The following TRIM45 variants were observed in gnomAD, a reference collection of about 807,000 sequenced individuals.
The protein encoded by TRIM45 is tripartite motif containing 45, also known as E3 ubiquitin-protein ligase TRIM45.
Under a neutral mutation model 46.7 loss-of-function variants are expected in TRIM45, and 45 were observed. The ratio of observed to expected loss-of-function variants is 0.96; its 90% CI spans 0.76 to 1.24. The LOEUF (loss-of-function observed/expected upper bound fraction) is 1.24. Ranked by LOEUF, TRIM45 falls within the 50% of genes most tolerant of loss-of-function variation. TRIM45 has a pLI of 0.00. For synonymous variants in TRIM45, 259 were observed against 285.8 expected (o/e 0.91, Z 0.94); for missense variants, 680 against 728.4 (o/e 0.93, Z 0.77).
At position 117,112,440 on chromosome 1, in the gene TRIM45, G is replaced by C; in HGVS notation, c.1608C>G (p.Gly536=). 8 of 1,612,750 alleles carry C rather than the reference G, an allele frequency of 5.0e-6. No individual in the cohort carries two copies. Among genetic ancestry groups the C allele is most frequent in the Non-Finnish European group, 6.8e-6 (8 of 1,179,486 alleles). Residue 536 remains glycine, a synonymous_variant, in exon 6 of 6, where the codon GGC becomes GGG. Coordinates refer to ENST00000256649, the MANE Select transcript of TRIM45 (RefSeq NM_025188.4). ...GGTGGCCTTTGTGTCCATGGCCACA[G>C]CCTAGGTACCCACCTACATGGGACA... ...CGGTMPGGYL[G]CGHGHKGHPG...
At position 117,113,636 on chromosome 1, in the gene TRIM45, C is replaced by T. The variant is rs1042068061; in HGVS notation, c.1468-151G>A. ...AAAGAAACAGATTAGAGGACAAGAA[C>T]CCTGCTCAGCTGAGAGGAGGCAGAC... On this transcript the variant is annotated intron_variant, in intron 4 of 5. Transcript: ENST00000256649. The surrounding 1 kb of genome is among the most constrained non-coding windows in gnomAD (Gnocchi z 4.0). 5 of 1,067,548 alleles carry T rather than the reference C, an allele frequency of 4.7e-6. No homozygotes were observed. Among genetic ancestry groups the T allele is most frequent in the African/African-American group, 1.6e-5 (1 of 62,144 alleles). 66.1% of individuals were successfully genotyped at this position (1,067,548 alleles called of 1,614,324 possible). A position where few individuals can be genotyped will look rare whatever the true frequency, so the allele number is the denominator to read the frequency against.
rs74899279 is a variant in TRIM45, at chr1:117,112,341, G to A, written c.1707C>T (p.Ser569=). Reference sequence around the variant, plus strand: ...CAGTCCTAAGTAGACTCCTCGGTGCGCTCTGCCCACCTGTCCATGTGCATT... The same window carrying A: ...CAGTCCTAAGTAGACTCCTCGGTGCACTCTGCCCACCTGTCCATGTGCATT... ...KSECTWTGGQ[S]APRSLLRTVA... is the part of the protein sequence containing the mutation. Residue 569 remains serine (S), a synonymous_variant, in exon 6 of 6, where the codon AGC becomes AGT. Transcript: ENST00000256649. 5.7e-4 allele frequency: 924 copies of A among 1,613,162 alleles called. 2 individuals carry two copies. In the African/African-American group the frequency reaches 0.011, roughly 19 times the overall value.
rs1204732625 is a variant in TRIM45 at position 117,117,565 on chromosome 1, G to C, written c.1222+469C>G. ...ACCTACCATATCCTTTTAAATGCCA[G>C]TAAAGTTGATGTGAACCAAAAAGGG... is the stretch of plus-strand genomic sequence containing the variant. On this transcript the variant is annotated intron_variant, in intron 2 of 5. Transcript: ENST00000256649. The surrounding 1 kb of genome is among the most constrained non-coding windows in gnomAD (Gnocchi z 4.9). Among the ~76,000 whole-genome samples, 1 of 152,142 alleles carries C rather than the reference G, an allele frequency of 6.6e-6. No individual in the cohort carries two copies. Among genetic ancestry groups the C allele is most frequent in the Non-Finnish European group, 1.5e-5 (1 of 68,030 alleles).
In TRIM45 at chr1:117,120,997, A is replaced by G; in HGVS notation, c.205T>C (p.Ser69Pro). 1.9e-6 allele frequency: 3 copies of G among 1,614,104 alleles called. No individual in the cohort carries two copies. The South Asian group carries it at 3.3e-5, about 18-fold the overall frequency. ...ATTGACCCCTCAGAGCTTGTGTCAGAGTCTCCCCCTCGGATGTCCACTACT... is the reference window on the plus strand; with the variant it reads ...ATTGACCCCTCAGAGCTTGTGTCAGGGTCTCCCCCTCGGATGTCCACTACT... Reference protein sequence around the residue: ...FSVVDIRGGDSDTSSEGSIFQ... With the variant: ...FSVVDIRGGDPDTSSEGSIFQ... Residue 69 changes from serine (S) to proline (P), a missense_variant, in exon 1 of 6, where the codon TCT becomes CCT. By Grantham distance (74) the Ser-to-Pro change is moderately conservative. Around this residue, in one of 3 missense-constraint regions of TRIM45, gnomAD observed 349 missense variants for 343.6 expected, o/e 1.02. Transcript: ENST00000256649.
In TRIM45 at chr1:117,120,564, G is replaced by C. The variant is rs146171181; in HGVS notation, c.488+150C>G. The stretch of plus-strand genomic sequence containing the variant: ...GCTAACCGGGTTAACTGTTGTACTG[G>C]AGTATTTGCTATTGCATTGTTATAT... On this transcript the variant is annotated intron_variant, in intron 1 of 5. Transcript: ENST00000256649. The C allele has an allele frequency of 2.2e-4, 241 of 1,082,592 alleles. No homozygotes were observed. The East Asian group carries it at 5.8e-3, about 26-fold the overall frequency. The allele number at this position is 1,082,592 out of a possible 1,614,324, so 67.1% of individuals were successfully genotyped here. A position where few individuals can be genotyped will look rare whatever the true frequency, so the allele number is the denominator to read the frequency against.
rs1014706014 is a variant in TRIM45, at chr1:117,115,768, T to G, written c.1353-79A>C. The G allele has an allele frequency of 2.3e-5, 21 of 907,872 alleles. No individual in the cohort carries two copies. The highest frequency in any genetic ancestry group is 3.3e-5 in the Non-Finnish European group (18 of 549,376). The allele number at this position is 907,872 out of a possible 1,614,324, so 56.2% of individuals were successfully genotyped here. A position where few individuals can be genotyped will look rare whatever the true frequency, so the allele number is the denominator to read the frequency against. On this transcript the variant is annotated intron_variant, in intron 3 of 5. Coordinates refer to ENST00000256649, the MANE Select transcript of TRIM45 (RefSeq NM_025188.4). This position sits in a 1 kb window ranked among gnomAD's most constrained non-coding sequence, Gnocchi z 4.2. Reference sequence around the variant, plus strand: ...TGCTACTATTTCAGAATGTAAACTCTACACCATCCCATTCAGTATTAATGT... The same window carrying G: ...TGCTACTATTTCAGAATGTAAACTCGACACCATCCCATTCAGTATTAATGT...
chr1:117,119,133 G>C (rs976982394), intron 1 of TRIM45, among the ~76,000 whole-genome samples: 1 of 152,216 alleles, frequency 6.6e-6, no homozygotes. Context: ...CAGAAAACCA[G>C]CATCAAGAAA....
Position 117,116,527 on chromosome 1 carries a change from C to T in TRIM45, c.1352+89G>A. 5.9e-6 allele frequency: 9 copies of T among 1,535,302 alleles called. No homozygotes were observed. The highest frequency in any genetic ancestry group is 7.9e-6 in the Non-Finnish European group (9 of 1,132,264). ...GTGCTGGGATTACAGGCATGAGCCA[C>T]TGTGCCCAGCTCCAATATCTTAAAG... On this transcript the variant is annotated intron_variant, in intron 3 of 5. Coordinates refer to ENST00000256649, the MANE Select transcript of TRIM45 (RefSeq NM_025188.4). The surrounding 1 kb of genome is among the most constrained non-coding windows in gnomAD (Gnocchi z 4.6).
chr1:117,118,127 G>A lies in TRIM45; in HGVS notation c.1129C>T (p.Gln377Ter). 2 of 1,614,194 alleles carry A rather than the reference G, an allele frequency of 1.2e-6. No individual in the cohort carries two copies. The highest frequency in any genetic ancestry group is 1.7e-6 in the Non-Finnish European group (2 of 1,180,034). The change falls in exon 2 of 6, where the codon CAG becomes TAG. Residue 377 changes from glutamine (Q) to a stop codon, truncating the protein, a stop_gained. Transcript: ENST00000256649. LOFTEE classifies it high-confidence loss of function. This position sits in a 1 kb window ranked among gnomAD's most constrained non-coding sequence, Gnocchi z 5.7. Reference protein sequence around the residue: ...GVNDKIRFCPQEKAGQCRGYE... With the variant: ...GVNDKIRFCP ...CCACGGCACTGGCCTGCTTTCTCCT[G>A]AGGACAGAAGCGTATCTTATCATTT...
chr1:117,113,347 C>G lies in TRIM45; in HGVS notation c.1594+12G>C, dbSNP rs933289081. The G allele has an allele frequency of 6.2e-7, 1 of 1,611,712 alleles. No individual in the cohort carries two copies. Among genetic ancestry groups the G allele is most frequent in the African/African-American group, 1.3e-5 (1 of 75,000 alleles). On this transcript the variant is annotated intron_variant, in intron 5 of 5. Coordinates refer to ENST00000256649, the MANE Select transcript of TRIM45 (RefSeq NM_025188.4). The surrounding 1 kb of genome is among the most constrained non-coding windows in gnomAD (Gnocchi z 4.0). ...TGGCAGAAAGGCCCAGAGGGTAGTG[C>G]TTTCTCCTTACCTGGCATGGTGCCT... is the stretch of plus-strand genomic sequence containing the variant.
In TRIM45 at chr1:117,120,799, A is replaced by G. The variant is rs1357842703; in HGVS notation, c.403T>C (p.Cys135Arg). 1 of 1,614,030 alleles carries G rather than the reference A, an allele frequency of 6.2e-7. No individual in the cohort carries two copies. Among genetic ancestry groups the G allele is most frequent in the Non-Finnish European group, 8.5e-7 (1 of 1,180,038 alleles). The change falls in exon 1 of 6, where the codon TGT becomes CGT. Residue 135 changes from cysteine (C) to arginine (R), a missense_variant. Coordinates refer to ENST00000256649, the MANE Select transcript of TRIM45 (RefSeq NM_025188.4). ...ACTTCCCTGTCGTTGCACAGGTCACACACCAGGCCCTGGCCTTCCCCACGT... is the reference window on the plus strand; with the variant it reads ...ACTTCCCTGTCGTTGCACAGGTCACGCACCAGGCCCTGGCCTTCCCCACGT... ...SLRGEGQGLV[C>R]DLCNDREVEK... is the part of the protein sequence containing the mutation.
In TRIM45 at chr1:117,118,105, C is replaced by T. The variant is rs200815611; in HGVS notation, c.1151G>A (p.Arg384His). The change falls in exon 2 of 6, where the codon CGT becomes CAT. Residue 384 changes from arginine to histidine, a missense_variant. Transcript: ENST00000256649. This position sits in a 1 kb window ranked among gnomAD's most constrained non-coding sequence, Gnocchi z 5.7. ...AATCGTACCATAAATTTCATAGCCACGGCACTGGCCTGCTTTCTCCTGAGG... is the reference window on the plus strand; with the variant it reads ...AATCGTACCATAAATTTCATAGCCATGGCACTGGCCTGCTTTCTCCTGAGG... Reference protein sequence around the residue: ...FCPQEKAGQCRGYEIYGTINT... With the variant: ...FCPQEKAGQCHGYEIYGTINT... The T allele has an allele frequency of 2.6e-5, 42 of 1,614,216 alleles. No individual in the cohort carries two copies. In the African/African-American group the frequency reaches 3.5e-4, roughly 13 times the overall value.
Position 117,121,449 on chromosome 1 carries a change from T to C in TRIM45, c.-248A>G. On this transcript the variant is annotated 5_prime_UTR_variant, in exon 1 of 6. Transcript: ENST00000256649. This position sits in a 1 kb window ranked among gnomAD's most constrained non-coding sequence, Gnocchi z 4.2. The stretch of plus-strand genomic sequence containing the variant: ...CACCAGACACGCCCACGCCCTCCTC[T>C]GCCCCGCAAGTCCTCCCCGGATGCG... 1.9e-6 allele frequency: 1 copy of C among 527,372 alleles called. No individual in the cohort carries two copies. Among genetic ancestry groups the C allele is most frequent in the East Asian group, 3.1e-5 (1 of 31,876 alleles). The allele number at this position is 527,372 out of a possible 1,614,324, so 32.7% of individuals were successfully genotyped here. A position where few individuals can be genotyped will look rare whatever the true frequency, so the allele number is the denominator to read the frequency against.
rs755784717 is a variant in TRIM45 at position 117,121,118 on chromosome 1, G to A, written c.84C>T (p.His28=). 1.2e-6 allele frequency: 2 copies of A among 1,612,804 alleles called. No homozygotes were observed. The highest frequency in any genetic ancestry group is 1.1e-5 in the South Asian group (1 of 91,064). The change falls in exon 1 of 6, where the codon CAC becomes CAT. Residue 28 remains histidine, a synonymous_variant. Transcript: ENST00000256649. This position sits in a 1 kb window ranked among gnomAD's most constrained non-coding sequence, Gnocchi z 4.2. ...TGAAAAGCCCCAAGCACAGGGGGCA[G>A]TGAGTCTTGCCTGAGTTCCCAAGTG... ...GTALGNSGKT[H]CPLCLGLFKA...
chr1:117,120,791 C>G lies in TRIM45; in HGVS notation c.411G>C (p.Leu137=). The G allele has an allele frequency of 6.2e-7, 1 of 1,614,204 alleles. No homozygotes were observed. The highest frequency in any genetic ancestry group is 8.5e-7 in the Non-Finnish European group (1 of 1,180,036). ...TCTTCTCTACTTCCCTGTCGTTGCACAGGTCACACACCAGGCCCTGGCCTT... is the reference window on the plus strand; with the variant it reads ...TCTTCTCTACTTCCCTGTCGTTGCAGAGGTCACACACCAGGCCCTGGCCTT... ...RGEGQGLVCD[L]CNDREVEKRC... The change falls in exon 1 of 6, where the codon CTG becomes CTC. Residue 137 remains leucine (L), a synonymous_variant. Coordinates refer to ENST00000256649, the MANE Select transcript of TRIM45 (RefSeq NM_025188.4).
Position 117,118,675 on chromosome 1 carries a change from T to A in TRIM45, c.581A>T (p.His194Leu). The change falls in exon 2 of 6, where the codon CAC becomes CTC. Residue 194 changes from histidine (H) to leucine (L), a missense_variant. His to Leu is a moderately conservative substitution (Grantham distance 99, BLOSUM62 -3). This residue lies in a region of TRIM45 where 349 missense variants were observed against 343.6 expected (regional missense o/e 1.02). Transcript: ENST00000256649. The surrounding 1 kb of genome is among the most constrained non-coding windows in gnomAD (Gnocchi z 5.7). ...GAACAGCCTCAGTTCCTCTGCAGGG[T>A]GAACAGGACACAGGATGGGCTTCCC... ...RIGKPILCPV[H>L]PAEELRLFCE... is the part of the protein sequence containing the mutation. The A allele has an allele frequency of 1.2e-6, 2 of 1,613,918 alleles. No individual in the cohort carries two copies. The highest frequency in any genetic ancestry group is 1.7e-6 in the Non-Finnish European group (2 of 1,180,042).
Position 117,118,872 on chromosome 1 carries a change from G to A in TRIM45, c.489-105C>T. On this transcript the variant is annotated intron_variant, in intron 1 of 5. Coordinates refer to ENST00000256649, the MANE Select transcript of TRIM45 (RefSeq NM_025188.4). The surrounding 1 kb of genome is among the most constrained non-coding windows in gnomAD (Gnocchi z 5.7). ...ACAGGATCTGAAGTTAAACAAACCT[G>A]ATTTCAATTCCTTGCTCTAATCTCT... is the stretch of plus-strand genomic sequence containing the variant. 7.1e-7 allele frequency: 1 copy of A among 1,404,948 alleles called. No individual in the cohort carries two copies. Among genetic ancestry groups the A allele is most frequent in the Non-Finnish European group, 9.6e-7 (1 of 1,036,912 alleles). 87.0% of individuals were successfully genotyped at this position (1,404,948 alleles called of 1,614,324 possible).
In TRIM45 at chr1:117,116,834, T is replaced by C. The variant is rs978391520; in HGVS notation, c.1223-89A>G. 2.5e-6 allele frequency: 4 copies of C among 1,569,620 alleles called. No homozygotes were observed. Among genetic ancestry groups the C allele is most frequent in the Non-Finnish European group, 2.6e-6 (3 of 1,151,460 alleles). ...TGCTTTTTCTCTTCAGAACAAAGGG[T>C]TGTACTTTACTGTAACCACCCTGGG... On this transcript the variant is annotated intron_variant, in intron 2 of 5. Coordinates refer to ENST00000256649, the MANE Select transcript of TRIM45 (RefSeq NM_025188.4). The surrounding 1 kb of genome is among the most constrained non-coding windows in gnomAD (Gnocchi z 4.6).
At chr1:117,119,568 T>C (rs550376750) in intron 1 of TRIM45, among the ~76,000 whole-genome samples, 30 of 151,908 alleles carry the variant, frequency 2.0e-4, no homozygotes, top group Middle Eastern at 3.4e-3. Flanking sequence ...GATTGTGTTA[T>C]TGCACTCCAG....
Sources: allele counts gnomAD v4.1 joint callset (sites outside exome capture counted in the v4.1 genomes callset), GRCh38; gene constraint gnomAD v4.1.1; regional missense constraint gnomAD v4.1.1; non-coding constraint Gnocchi (gnomAD v3.1); transcripts MANE v1.5; gene names NCBI Gene and HGNC (gene_info 2026-07-23, HGNC 2026-07-21).